The following RNF213 variants were observed in gnomAD, a reference collection of about 807,000 sequenced individuals.
RNF213 encodes E3 ubiquitin-protein ligase RNF213.
Under a neutral mutation model 514.4 loss-of-function variants are expected in RNF213, and 341 were observed. The observed-to-expected ratio is 0.66, with a 90% CI of 0.61 to 0.73. The LOEUF is 0.73. Among genes scored for constraint, RNF213 ranks in the 30% least tolerant of loss-of-function variants. RNF213 has a pLI of 0.00. For synonymous variants in RNF213, 2,655 were observed against 2,658.2 expected, an observed-to-expected ratio of 1.00 and a Z score of 0.04; for missense variants, 5,767 against 6,615.6, an observed-to-expected ratio of 0.87 and a Z score of 4.45.
intron 3 of RNF213, 93 bp downstream of exon 3, chr17:80,273,497 A>G: frequency 1.3e-6 from 2 of 1,514,996 alleles, no homozygotes; most frequent in Non-Finnish European, 1.8e-6. Flanking sequence ...CGAAAATGCC[A>G]CCATGGCCCA....
chr17:80,294,491 C>T (rs966891362), intron 8 of RNF213, among the ~76,000 whole-genome samples: 2 of 152,208 alleles, frequency 1.3e-5, no homozygotes, highest in Non-Finnish European at 1.5e-5. Flanking sequence ...CCACTCATTA[C>T]TGTGGGACGT....
rs2144695438 is a variant in RNF213, at chr17:80,395,148, A to G, written c.*1650A>G. ...TCCCATTTTTATGAAGGGGTTTTAA[A>G]TTGTTTCATTTTGTGTGCTGTGCTT... On this transcript the variant is annotated 3_prime_UTR_variant, in exon 68 of 68. Transcript: ENST00000582970. 6.6e-6 allele frequency: 1 copy of G among 151,218 alleles called. No homozygotes were observed. The highest frequency in any genetic ancestry group is 2.1e-4 in the South Asian group (1 of 4,770). The allele number at this position is 151,218 out of a possible 1,614,324, so 9.4% of individuals were successfully genotyped here. A position where few individuals can be genotyped will look rare whatever the true frequency, so the allele number is the denominator to read the frequency against.
In RNF213 at chr17:80,344,941, G is replaced by C. The variant is rs762884672; in HGVS notation, c.6606G>C (p.Leu2202=). Residue 2202 remains leucine (L), a synonymous_variant, in exon 29 of 68, where the codon CTG becomes CTC. Coordinates refer to ENST00000582970, the MANE Select transcript of RNF213 (RefSeq NM_001256071.3). The part of the protein sequence containing the change: ...GTPEECLQHF[L]FHCGVINPSW... ...CGGAGGAATGCCTCCAGCATTTCCTGTTTCACTGCGGGGTAATAAACCCAT... is the reference window on the plus strand; with the variant it reads ...CGGAGGAATGCCTCCAGCATTTCCTCTTTCACTGCGGGGTAATAAACCCAT... 5.0e-6 allele frequency: 8 copies of C among 1,614,168 alleles called. No individual in the cohort carries two copies. The highest frequency in any genetic ancestry group is 6.8e-6 in the Non-Finnish European group (8 of 1,180,034).
chr17:80,278,910 G>C, intron 3 of RNF213: 1 of 1,537,142 alleles, frequency 6.5e-7, no homozygotes, highest in Middle Eastern at 1.7e-4. Context: ...ACTGTGAGCA[G>C]GTAGTCCGAG....
At position 80,314,303 on chromosome 17, in the gene RNF213, C is replaced by G. The variant is rs1383980274; in HGVS notation, c.2811+1136C>G. 3.9e-3 allele frequency among the ~76,000 whole-genome samples: 117 copies of G among 30,248 alleles called. 1 individual carries two copies. The highest frequency in any genetic ancestry group is 8.5e-3 in the East Asian group (6 of 704). The allele number at this position is 30,248 out of a possible 152,430, so 19.8% of individuals were successfully genotyped here. ...AGGTACTGGAGGTGATGGTGGTGGA[C>G]GTGATGGTGGAGGTAATGGAGGTGA... On this transcript the variant is annotated intron_variant, in intron 15 of 67. Coordinates refer to ENST00000582970, the MANE Select transcript of RNF213 (RefSeq NM_001256071.3).
intron 3 of RNF213, among the ~76,000 whole-genome samples, chr17:80,279,714 C>G (rs1435882314): frequency 6.6e-6 from 1 of 152,026 alleles, no homozygotes; most frequent in Non-Finnish European, 1.5e-5. Context: ...AATGATCCAC[C>G]CATCTTGGCC....
At position 80,353,250 on chromosome 17, in the gene RNF213, C is replaced by T. The variant is rs2144226372; in HGVS notation, c.10423+191C>T. On this transcript the variant is annotated intron_variant, in intron 33 of 67. Coordinates refer to ENST00000582970, the MANE Select transcript of RNF213 (RefSeq NM_001256071.3). This position sits in a 1 kb window ranked among gnomAD's most constrained non-coding sequence, Gnocchi z 5.0. Reference sequence around the variant, plus strand: ...ACCAGGGCCGAGCAGGTGCGCTTACCACAGGCTGAGGTAGAGCTCTGTGAG... The same window carrying T: ...ACCAGGGCCGAGCAGGTGCGCTTACTACAGGCTGAGGTAGAGCTCTGTGAG... 1 of 847,618 alleles carries T rather than the reference C, an allele frequency of 1.2e-6. No homozygotes were observed. The highest frequency in any genetic ancestry group is 2.6e-5 in the East Asian group (1 of 37,756). 52.5% of individuals were successfully genotyped at this position (847,618 alleles called of 1,614,324 possible). A position where few individuals can be genotyped will look rare whatever the true frequency, so the allele number is the denominator to read the frequency against.
intron 3 of RNF213, among the ~76,000 whole-genome samples, chr17:80,283,755 C>T (rs1022189761): frequency 1.8e-4 from 28 of 152,180 alleles, no homozygotes; most frequent in African/African-American, 6.5e-4. Context: ...CAGTGGGCTC[C>T]TCCTGTTCCG....
intron 3 of RNF213, among the ~76,000 whole-genome samples, chr17:80,285,056 A>G (rs984091614): frequency 6.6e-6 from 1 of 152,214 alleles, no homozygotes; most frequent in Non-Finnish European, 1.5e-5. Context: ...AGGATGGGCC[A>G]TCCAGCGCTG....
Position 80,351,799 on chromosome 17 carries a change from C to T in RNF213, c.10299C>T (p.His3433=), listed in dbSNP as rs755954725. ...VGRGTAYVGF[H]GGLWQSVHID... Reference sequence around the variant, plus strand: ...GAGGAACAGCCTATGTGGGCTTCCACGGAGGTGAGATCAGAACATCAGTCA... The same window carrying T: ...GAGGAACAGCCTATGTGGGCTTCCATGGAGGTGAGATCAGAACATCAGTCA... The change falls in exon 32 of 68, where the codon CAC becomes CAT. Residue 3433 remains histidine (H), a synonymous_variant. Transcript: ENST00000582970. 7.3e-6 allele frequency: 11 copies of T among 1,507,538 alleles called. 1 individual carries two copies. The highest frequency in any genetic ancestry group is 5.6e-5 in the South Asian group (5 of 88,850). 93.4% of individuals were successfully genotyped at this position (1,507,538 alleles called of 1,614,324 possible).
At chr17:80,304,092 T>G (rs1329986817) in intron 11 of RNF213, among the ~76,000 whole-genome samples, 1 of 152,000 alleles carries the variant, frequency 6.6e-6, no homozygotes, top group East Asian at 1.9e-4. Flanking sequence ...TGTACTTATC[T>G]TTAAATATCT....
chr17:80,278,462 T>C (rs2044147420), intron 3 of RNF213, among the ~76,000 whole-genome samples: 1 of 152,184 alleles, frequency 6.6e-6, no homozygotes, highest in Non-Finnish European at 1.5e-5. Flanking sequence ...GGTAGGGTGC[T>C]GGGAGCTTGG....
intron 3 of RNF213, among the ~76,000 whole-genome samples, chr17:80,282,452 G>A (rs2044335175): frequency 6.6e-6 from 1 of 152,138 alleles, no homozygotes; most frequent in East Asian, 1.9e-4. Flanking sequence ...AGGCCGGAGT[G>A]CAGTGGCACA....
At chr17:80,349,701 A>G (rs779699445) in intron 29 of RNF213, 69 bp from the exon 30 acceptor site, 712 of 1,551,566 alleles carry the variant, frequency 4.6e-4, no homozygotes, top group Non-Finnish European at 5.8e-4. Flanking sequence ...GGATCTGTCT[A>G]AACCTGGCAG....
chr17:80,379,048 T>C (rs185486509), intron 54 of RNF213, among the ~76,000 whole-genome samples: 2,432 of 140,772 alleles, frequency 0.017, 31 homozygotes, highest in Middle Eastern at 0.028. Context: ...TGGTGGTGCA[T>C]GCGTGCATGC....
chr17:80,307,089 C>G (rs778859868), intron 12 of RNF213, 39 bp from the exon 13 acceptor site: 1 of 1,593,864 alleles, frequency 6.3e-7, no homozygotes, highest in Non-Finnish European at 8.6e-7. Flanking sequence ...CATTGTGATT[C>G]AATCTTTTGT....
intron 16 of RNF213, 146 bp from the exon 17 acceptor site, chr17:80,319,044 T>C (rs1599014384): frequency 1.3e-6 from 2 of 1,572,238 alleles, no homozygotes; most frequent in East Asian, 4.5e-5. Flanking sequence ...AGGGAGGACA[T>C]GCTTTGCGTG....
At position 80,264,018 on chromosome 17, in the gene RNF213, T is replaced by C. The variant is rs1254043134; in HGVS notation, c.97+240T>C. Reference sequence around the variant, plus strand: ...AAGCCAGGGGACCACCACCCAGTGCTTCCGTCCCTCGTTCAGGCCCGGCCT... The same window carrying C: ...AAGCCAGGGGACCACCACCCAGTGCCTCCGTCCCTCGTTCAGGCCCGGCCT... On this transcript the variant is annotated intron_variant, in intron 2 of 67. Transcript: ENST00000582970. The surrounding 1 kb of genome is among the most constrained non-coding windows in gnomAD (Gnocchi z 5.0). Among the ~76,000 whole-genome samples the C allele has an allele frequency of 6.6e-6, 1 of 152,146 alleles. No individual in the cohort carries two copies. The highest frequency in any genetic ancestry group is 2.4e-5 in the African/African-American group (1 of 41,450).
At chr17:80,360,283 G>A in intron 38 of RNF213, 77 bp downstream of exon 38, 1 of 1,504,380 alleles carries the variant, frequency 6.6e-7, no homozygotes, top group Non-Finnish European at 9.1e-7. Flanking sequence ...AAAGCAGATG[G>A]GTGGCTAGAA....
Sources: gnomAD v4.1 joint callset for allele counts (sites outside exome capture counted in the v4.1 genomes callset) on GRCh38, gnomAD v4.1.1 for gene constraint, Gnocchi (gnomAD v3.1) non-coding constraint, MANE v1.5 for transcripts, NCBI Gene and HGNC (gene_info 2026-07-23, HGNC 2026-07-21) for gene names.